Variants in CAST observed in about 807,000 individuals in gnomAD.
The protein encoded by CAST is MIR583 host.
CAST carries 76 observed loss-of-function variants against 119.6 expected under a neutral mutation model. The ratio of observed to expected loss-of-function variants is 0.64; its 90% CI spans 0.53 to 0.77. CAST has a LOEUF of 0.77. CAST is among the 30% of genes least tolerant of loss of function. The probability of loss-of-function intolerance (pLI) is 0.00; values close to 1 mark genes in which losing one functional copy is unlikely to be tolerated. For missense variants in CAST, 953 were observed against 946.5 expected, an observed-to-expected ratio of 1.01 and a Z score of -0.09; for synonymous variants, 319 against 331.6, an observed-to-expected ratio of 0.96 and a Z score of 0.41.
chr5:96,272,565 CAG>C, the CAST span, among the ~76,000 whole-genome samples: 1 of 151,820 alleles, frequency 6.6e-6, no homozygotes, highest in Admixed American at 6.6e-5. Flanking sequence ...CTCATGAAGA[CAG>C]AGAGTAGATA....
At chr5:96,497,365 G>C in the CAST span, among the ~76,000 whole-genome samples, 1 of 152,030 alleles carries the variant, frequency 6.6e-6, no homozygotes, top group African/African-American at 2.4e-5. Flanking sequence ...TAATCCTTTG[G>C]GTATATACCC....
At chr5:96,672,571 G>A (rs2150240998) in intron 1 of CAST, among the ~76,000 whole-genome samples, 1 of 152,108 alleles carries the variant, frequency 6.6e-6, no homozygotes, top group South Asian at 2.1e-4. Context: ...ATCGGATGTG[G>A]TGGTGCACAC....
the CAST span, among the ~76,000 whole-genome samples, chr5:96,414,736 T>A: frequency 2.0e-5 from 3 of 152,244 alleles, no homozygotes; most frequent in African/African-American, 7.2e-5. Flanking sequence ...TCACAAACTA[T>A]AGCTGTTTCG....
At chr5:96,099,585 T>C in the CAST span, among the ~76,000 whole-genome samples, 1 of 152,246 alleles carries the variant, frequency 6.6e-6, no homozygotes, top group Non-Finnish European at 1.5e-5. Flanking sequence ...AAGATAATTG[T>C]GTAGTTTTTG....
At chr5:96,743,825 G>C (rs967145287) in intron 16 of CAST, 2 of 970,532 alleles carry the variant, frequency 2.1e-6, no homozygotes, top group Non-Finnish European at 1.5e-6. Context: ...GACAGAAGCA[G>C]TGTCATCTTG....
chr5:96,373,587 C>T, the CAST span, among the ~76,000 whole-genome samples: 3 of 152,192 alleles, frequency 2.0e-5, no homozygotes, highest in Non-Finnish European at 2.9e-5. Flanking sequence ...GTGGACATTT[C>T]GATAGGGAAT....
chr5:96,175,203 T>C, the CAST span, among the ~76,000 whole-genome samples: 144 of 152,360 alleles, frequency 9.5e-4, no homozygotes, highest in Non-Finnish European at 1.6e-3. Flanking sequence ...TGTACTACAC[T>C]ATAATAGTTT....
intron 20 of CAST, among the ~76,000 whole-genome samples, chr5:96,751,210 T>TG (rs1764972666): frequency 6.9e-6 from 1 of 144,580 alleles, no homozygotes; most frequent in East Asian, 2.1e-4. Context: ...TTGATTTTAG[T>TG]GTTTTTTTTC....
the CAST span, among the ~76,000 whole-genome samples, chr5:96,230,720 T>C: frequency 1.3e-5 from 2 of 152,224 alleles, no homozygotes; most frequent in East Asian, 1.9e-4. Context: ...GTCTATAGAC[T>C]GGGAGACAAT....
the CAST span, among the ~76,000 whole-genome samples, chr5:96,497,876 T>C: frequency 1.3e-5 from 2 of 152,236 alleles, no homozygotes; most frequent in African/African-American, 4.8e-5. Context: ...TTAGATCCCA[T>C]TTGTCAATTT....
intron 24 of CAST, among the ~76,000 whole-genome samples, 183 bp downstream of exon 24, chr5:96,757,837 T>C (rs2150630177): frequency 6.6e-6 from 1 of 151,906 alleles, no homozygotes; most frequent in East Asian, 1.9e-4. Flanking sequence ...ACTACAGGGG[T>C]GCACCACCAC....
At chr5:96,142,683 C>T in the CAST span, among the ~76,000 whole-genome samples, 2 of 152,152 alleles carry the variant, frequency 1.3e-5, no homozygotes, top group African/African-American at 4.8e-5. Context: ...CTTTAATCTA[C>T]TCACATGAGA....
chr5:96,090,613 AT>A, the CAST span, among the ~76,000 whole-genome samples: 2 of 135,744 alleles, frequency 1.5e-5, no homozygotes, highest in African/African-American at 5.5e-5. Flanking sequence ...AGGTTGAAAA[AT>A]TTTTTTAAAA....
chr5:96,437,992 T>A, the CAST span, among the ~76,000 whole-genome samples: 4 of 152,276 alleles, frequency 2.6e-5, no homozygotes, highest in Middle Eastern at 3.4e-3. Flanking sequence ...CAAGTCTCAA[T>A]CTCTTTTATA....
At chr5:95,967,811 G>A in the CAST span, among the ~76,000 whole-genome samples, 1 of 152,154 alleles carries the variant, frequency 6.6e-6, no homozygotes, top group Non-Finnish European at 1.5e-5. Flanking sequence ...GTCTTCATTA[G>A]AAGCATGAGA....
At position 96,737,924 on chromosome 5, in the gene CAST, A is replaced by T; in HGVS notation, c.775A>T (p.Thr259Ser). ...GPEETEEENT[T>S]YTGPEVSDPM... ...TGAAGAAACTGAAGAAGAAAATACAACGTATACTGGACCAGAAGTTTCAGT... is the reference window on the plus strand; with the variant it reads ...TGAAGAAACTGAAGAAGAAAATACATCGTATACTGGACCAGAAGTTTCAGT... The change falls in exon 11 of 32, where the codon ACG becomes TCG. Residue 259 changes from threonine to serine, a missense_variant. Coordinates refer to ENST00000675179, the MANE Select transcript of CAST (RefSeq NM_001750.7). 5 of 1,598,618 alleles carry T rather than the reference A, an allele frequency of 3.1e-6. No individual in the cohort carries two copies. Among genetic ancestry groups the T allele is most frequent in the Middle Eastern group, 1.7e-4 (1 of 6,038 alleles).
At chr5:96,310,843 G>A in the CAST span, among the ~76,000 whole-genome samples, 13 of 145,816 alleles carry the variant, frequency 8.9e-5, no homozygotes, top group African/African-American at 2.8e-4. Flanking sequence ...CCAAAGGTTT[G>A]TAAATTATGT....
chr5:96,047,444 A>G, the CAST span, among the ~76,000 whole-genome samples: 1 of 152,218 alleles, frequency 6.6e-6, no homozygotes, highest in East Asian at 1.9e-4. Flanking sequence ...ATTTAAAAAC[A>G]TTGTATCCTG....
chr5:96,465,616 A>C, the CAST span, among the ~76,000 whole-genome samples: 4 of 152,170 alleles, frequency 2.6e-5, no homozygotes, highest in Admixed American at 2.0e-4. Context: ...AAGTCAGTGT[A>C]ACTGGGATTT....
Sources: allele counts gnomAD v4.1 joint callset (sites outside exome capture counted in the v4.1 genomes callset), GRCh38; gene constraint gnomAD v4.1.1; transcripts MANE v1.5; gene names NCBI Gene and HGNC (gene_info 2026-07-23, HGNC 2026-07-21).